MAGI2: variants seen among roughly 807,000 people sequenced by gnomAD.
The protein encoded by MAGI2 is membrane associated guanylate kinase, WW and PDZ domain containing 2, also known as membrane-associated guanylate kinase, WW and PDZ domain-containing protein 2.
MAGI2 carries 35 observed loss-of-function variants against 133.3 expected under a neutral mutation model. That is an observed-to-expected ratio of 0.26 (90% CI 0.20 to 0.35). The LOEUF (loss-of-function observed/expected upper bound fraction) is 0.35, where lower values mean the gene tolerates loss of function less well. Among genes scored for constraint, MAGI2 ranks in the 10% least tolerant of loss-of-function variants. MAGI2 has a pLI of 1.00. For missense variants in MAGI2, 1,636 were observed against 1,863.4 expected, an observed-to-expected ratio of 0.88 and a Z score of 2.25; for synonymous variants, 729 against 710.6, an observed-to-expected ratio of 1.03 and a Z score of -0.41.
At chr7:78,195,350 G>GT (rs909303047) in intron 11 of MAGI2, among the ~76,000 whole-genome samples, 5 of 152,208 alleles carry the variant, frequency 3.3e-5, no homozygotes, top group Admixed American at 2.0e-4. Context: ...TAATTTCTCT[G>GT]TTTTTTTCCC....
rs55805356 is a variant in MAGI2 at position 79,027,306 on chromosome 7, G to A, written c.302-20100C>T. On this transcript the variant is annotated intron_variant, in intron 1 of 21. Transcript: ENST00000354212. ...AATCAACCTAAGTGTTCATCAACAG[G>A]TGAATGGATAAAGAAAATATTATAT... Among the ~76,000 whole-genome samples the A allele has an allele frequency of 4.0e-3, 600 of 151,148 alleles. 2 individuals are homozygous for A. Among genetic ancestry groups the A allele is most frequent in the African/African-American group, 0.014 (569 of 41,310 alleles).
chr7:78,932,436 A>G (rs1024362986), intron 2 of MAGI2, among the ~76,000 whole-genome samples: 20 of 152,058 alleles, frequency 1.3e-4, no homozygotes, highest in African/African-American at 4.8e-4. Flanking sequence ...TGACCGCCAT[A>G]TGTAACCTAA....
intron 3 of MAGI2, among the ~76,000 whole-genome samples, chr7:78,592,668 T>C (rs1362335388): frequency 1.3e-5 from 2 of 152,024 alleles, no homozygotes; most frequent in Non-Finnish European, 2.9e-5. Context: ...CTCTATTTTG[T>C]CTAAGCAATG....
chr7:78,378,947 G>A (rs534829764), intron 6 of MAGI2, among the ~76,000 whole-genome samples: 1 of 152,142 alleles, frequency 6.6e-6, no homozygotes, highest in African/African-American at 2.4e-5. Context: ...CTATTGCTTA[G>A]GCAACAGGTG....
chr7:78,846,021 T>G lies in MAGI2; in HGVS notation c.418+161069A>C, dbSNP rs149560990. 2.7e-3 allele frequency among the ~76,000 whole-genome samples: 416 copies of G among 152,028 alleles called. 5 individuals are homozygous for G. The highest frequency in any genetic ancestry group is 0.011 in the Admixed American group (164 of 15,214). ...AGTGATATGAAATATTACTGAATTG[T>G]TTACAACAAATCTTATTTACTATTC... On this transcript the variant is annotated intron_variant, in intron 2 of 21. Transcript: ENST00000354212.
chr7:78,633,521 C>T (rs1046041997), intron 2 of MAGI2, among the ~76,000 whole-genome samples: 4 of 151,870 alleles, frequency 2.6e-5, no homozygotes, highest in South Asian at 2.1e-4. Context: ...CTGGCTAACA[C>T]GGTGAAACCC....
At chr7:78,148,597 A>C (rs1270492639) in intron 16 of MAGI2, among the ~76,000 whole-genome samples, 1 of 152,224 alleles carries the variant, frequency 6.6e-6, no homozygotes, top group Non-Finnish European at 1.5e-5. Flanking sequence ...GGAGGTGAGC[A>C]GGGGAAAGTG....
At chr7:78,606,876 A>G (rs1805872160) in intron 3 of MAGI2, among the ~76,000 whole-genome samples, 1 of 152,148 alleles carries the variant, frequency 6.6e-6, no homozygotes, top group South Asian at 2.1e-4. Context: ...TTTTTCATCT[A>G]CATGGGCTGT....
At chr7:78,042,800 G>T (rs551642153) in intron 21 of MAGI2, among the ~76,000 whole-genome samples, 1 of 152,180 alleles carries the variant, frequency 6.6e-6, no homozygotes, top group Admixed American at 6.5e-5. Context: ...AATTACTCCC[G>T]ATAAATAAGC....
intron 1 of MAGI2, among the ~76,000 whole-genome samples, chr7:79,064,520 G>A (rs17151920): frequency 0.034 from 5,126 of 152,014 alleles, 189 homozygotes; most frequent in African/African-American, 0.09. Flanking sequence ...TTTTCAGTCC[G>A]AATCATAAAG....
intron 2 of MAGI2, among the ~76,000 whole-genome samples, chr7:78,933,358 C>G (rs745326720): frequency 2.0e-5 from 3 of 152,062 alleles, no homozygotes; most frequent in Non-Finnish European, 4.4e-5. Context: ...AAGCGGTGAA[C>G]AGAGGCATGG....
At chr7:79,084,637 A>G (rs1816325646) in intron 1 of MAGI2, among the ~76,000 whole-genome samples, 1 of 151,770 alleles carries the variant, frequency 6.6e-6, no homozygotes, top group Non-Finnish European at 1.5e-5. Flanking sequence ...ACATGTTTAT[A>G]GATGTCTGTT....
At chr7:78,550,920 T>G (rs1222281411) in intron 3 of MAGI2, among the ~76,000 whole-genome samples, 1 of 152,180 alleles carries the variant, frequency 6.6e-6, no homozygotes, top group Non-Finnish European at 1.5e-5. Context: ...AGTGTGTCTC[T>G]TTGTATCTTC....
chr7:79,446,668 G>C (rs1396115397), intron 1 of MAGI2, among the ~76,000 whole-genome samples: 1 of 152,074 alleles, frequency 6.6e-6, no homozygotes, highest in Non-Finnish European at 1.5e-5. Flanking sequence ...ATATCAATGG[G>C]GGTTGGGCGC....
At chr7:78,200,573 G>T (rs532246106) in intron 11 of MAGI2, among the ~76,000 whole-genome samples, 1 of 152,080 alleles carries the variant, frequency 6.6e-6, no homozygotes, top group Non-Finnish European at 1.5e-5. Context: ...GTGTGTGTAT[G>T]TGTGTGTGTA....
intron 2 of MAGI2, among the ~76,000 whole-genome samples, chr7:78,977,149 G>A (rs1276917707): frequency 7.3e-5 from 11 of 151,624 alleles, no homozygotes; most frequent in Non-Finnish European, 1.2e-4. Flanking sequence ...TAATGAAGAA[G>A]GACAAAGTTG....
At chr7:78,502,487 A>G (rs985968422) in intron 4 of MAGI2, among the ~76,000 whole-genome samples, 1 of 152,214 alleles carries the variant, frequency 6.6e-6, no homozygotes, top group African/African-American at 2.4e-5. Flanking sequence ...ATGGTCAACC[A>G]TGGTGCAAAA....
intron 1 of MAGI2, among the ~76,000 whole-genome samples, chr7:79,203,395 C>T (rs1183296710): frequency 2.0e-5 from 3 of 152,028 alleles, no homozygotes; most frequent in Non-Finnish European, 4.4e-5. Context: ...CCTATTTCAT[C>T]TGGTCCTGTC....
intron 20 of MAGI2, among the ~76,000 whole-genome samples, chr7:78,106,854 T>C (rs1221998624): frequency 6.6e-6 from 1 of 152,156 alleles, no homozygotes; most frequent in Non-Finnish European, 1.5e-5. Flanking sequence ...CAGAAACTTT[T>C]TAACTGGATG....
Sources: allele counts gnomAD v4.1 joint callset (sites outside exome capture counted in the v4.1 genomes callset), GRCh38; gene constraint gnomAD v4.1.1; transcripts MANE v1.5; gene names NCBI Gene and HGNC (gene_info 2026-07-23, HGNC 2026-07-21).